Variants in ZFYVE9 observed in about 807,000 individuals in gnomAD.
The protein encoded by ZFYVE9 is zinc finger FYVE domain-containing protein 9.
A neutral mutation model predicts 126.7 loss-of-function variants in ZFYVE9; 43 were observed. The ratio of observed to expected loss-of-function variants is 0.34; its 90% CI spans 0.27 to 0.44. The LOEUF (loss-of-function observed/expected upper bound fraction) is 0.44, where lower values mean the gene tolerates loss of function less well. Among genes scored for constraint, ZFYVE9 ranks in the 20% least tolerant of loss-of-function variants. The probability of loss-of-function intolerance (pLI) is 1.00; values close to 1 mark genes in which losing one functional copy is unlikely to be tolerated. For missense variants in ZFYVE9, 1,476 were observed against 1,697.0 expected (o/e 0.87, Z 2.29); for synonymous variants, 521 against 597.4 (o/e 0.87, Z 1.87).
At position 52,192,785 on chromosome 1, in the gene ZFYVE9, T is replaced by C. The variant is rs376876592; in HGVS notation, c.-142-23584T>C. On this transcript the variant is annotated intron_variant, in intron 1 of 18. Transcript: ENST00000287727. ...AACAGGAGGTCATCGAATGGGAAAT[T>C]CAAAAGGCTAAAAAAGTAAAAATAT... Among the ~76,000 whole-genome samples the C allele has an allele frequency of 6.6e-5, 10 of 152,246 alleles. 1 individual carries two copies. The South Asian group carries it at 1.2e-3, about 19-fold the overall frequency.
At chr1:52,171,459 T>TA (rs1300812656) in intron 1 of ZFYVE9, among the ~76,000 whole-genome samples, 2 of 152,240 alleles carry the variant, frequency 1.3e-5, no homozygotes, top group Non-Finnish European at 2.9e-5. Context: ...GCAATAAACA[T>TA]ACGTGTGCAT....
At chr1:52,158,849 G>C (rs1644427968) in intron 1 of ZFYVE9, among the ~76,000 whole-genome samples, 1 of 150,884 alleles carries the variant, frequency 6.6e-6, no homozygotes, top group South Asian at 2.1e-4. Context: ...TTGGAGTGCA[G>C]TGGCACGATC....
At chr1:52,189,058 C>T (rs1644792285) in intron 1 of ZFYVE9, among the ~76,000 whole-genome samples, 1 of 151,902 alleles carries the variant, frequency 6.6e-6, no homozygotes, top group African/African-American at 2.4e-5. Context: ...CTGCCTCAGC[C>T]TCCCGAGTAG....
intron 12 of ZFYVE9, among the ~76,000 whole-genome samples, chr1:52,301,291 C>CTTTTTTTTT (rs527599525): frequency 1.4e-5 from 1 of 72,636 alleles, no homozygotes; most frequent in Non-Finnish European, 2.5e-5. Flanking sequence ...CTTTTTCCAT[C>CTTTTTTTTT]TTTTTTTTTT....
intron 9 of ZFYVE9, 71 bp from the exon 10 acceptor site, chr1:52,281,590 C>A: frequency 6.5e-7 from 1 of 1,538,534 alleles, no homozygotes; most frequent in Non-Finnish European, 8.9e-7. Context: ...ACACAGATTT[C>A]TGTGCATCTT....
At chr1:52,211,997 T>C (rs1303301803) in intron 1 of ZFYVE9, among the ~76,000 whole-genome samples, 3 of 152,224 alleles carry the variant, frequency 2.0e-5, no homozygotes, top group African/African-American at 7.2e-5. Flanking sequence ...TTCTTAATTT[T>C]AAATGATGGT....
chr1:52,320,295 C>T (rs982846051), intron 13 of ZFYVE9, among the ~76,000 whole-genome samples: 1 of 152,066 alleles, frequency 6.6e-6, no homozygotes, highest in Non-Finnish European at 1.5e-5. Context: ...GTCTCGAACT[C>T]CTGACCTCAG....
intron 4 of ZFYVE9, among the ~76,000 whole-genome samples, chr1:52,259,625 TAA>T (rs541679465): frequency 1.1e-4 from 9 of 84,176 alleles, no homozygotes; most frequent in Admixed American, 2.7e-4. Context: ...CTGTCTCTAC[TAA>T]AAAAAAAAAA....
At position 52,293,394 on chromosome 1, in the gene ZFYVE9, A is replaced by AG. The variant is rs1645942867; in HGVS notation, c.3026-59_3026-58insG. 15 of 1,322,746 alleles carry AG rather than the reference A, an allele frequency of 1.1e-5. No homozygotes were observed. The African/African-American group carries it at 2.0e-4, about 17-fold the overall frequency. 81.9% of individuals were successfully genotyped at this position (1,322,746 alleles called of 1,614,324 possible). ...TCCGTCTCAAAAAAAAAAAAAAAAA[A>AG]AAAAGAAATATGATTAATTTATTGA... On this transcript the variant is annotated intron_variant, in intron 10 of 18. Transcript: ENST00000287727.
At chr1:52,325,129 A>G (rs1170238467) in intron 13 of ZFYVE9, among the ~76,000 whole-genome samples, 2 of 152,180 alleles carry the variant, frequency 1.3e-5, no homozygotes, top group East Asian at 1.9e-4. Flanking sequence ...AATACAAAAA[A>G]TTAGCTGGAT....
intron 13 of ZFYVE9, among the ~76,000 whole-genome samples, chr1:52,325,498 C>T (rs1054012842): frequency 6.6e-5 from 10 of 151,962 alleles, no homozygotes; most frequent in South Asian, 2.1e-4. Flanking sequence ...CCAGCCTGAA[C>T]GAGAAGGCGA....
At chr1:52,292,410 CT>C (rs1332447409) in intron 10 of ZFYVE9, among the ~76,000 whole-genome samples, 1 of 149,792 alleles carries the variant, frequency 6.7e-6, no homozygotes, top group Non-Finnish European at 1.5e-5. Flanking sequence ...CATGAGTTGA[CT>C]TTGTTCACCC....
chr1:52,332,625 C>T, intron 13 of ZFYVE9, 143 bp from the exon 14 acceptor site: 3 of 970,334 alleles, frequency 3.1e-6, no homozygotes, highest in Middle Eastern at 3.4e-4. Flanking sequence ...CATTTTTTTA[C>T]TTTGTTTCAT....
intron 13 of ZFYVE9, among the ~76,000 whole-genome samples, chr1:52,314,524 A>G (rs960968080): frequency 6.6e-6 from 1 of 152,212 alleles, no homozygotes; most frequent in Non-Finnish European, 1.5e-5. Flanking sequence ...CTCTACTAAA[A>G]GTACAAAAGT....
intron 1 of ZFYVE9, among the ~76,000 whole-genome samples, chr1:52,176,011 C>A (rs985825601): frequency 6.6e-6 from 1 of 152,232 alleles, no homozygotes; most frequent in African/African-American, 2.4e-5. Context: ...AAGTCATTCT[C>A]CATCCAGGTT....
chr1:52,217,600 A>G (rs997503442), intron 2 of ZFYVE9, among the ~76,000 whole-genome samples: 6 of 152,222 alleles, frequency 3.9e-5, no homozygotes, highest in Admixed American at 2.6e-4. Context: ...GGTATGATAC[A>G]GCAACCGACA....
chr1:52,342,359 G>A (rs1385561511), intron 17 of ZFYVE9, among the ~76,000 whole-genome samples: 1 of 145,508 alleles, frequency 6.9e-6, no homozygotes, highest in Non-Finnish European at 1.5e-5. Context: ...TCCGCCTCCC[G>A]GGTACACACC....
intron 2 of ZFYVE9, among the ~76,000 whole-genome samples, chr1:52,219,798 TGTGTGG>T (rs1227117217): frequency 4.6e-4 from 66 of 142,806 alleles, no homozygotes; most frequent in Middle Eastern, 3.6e-3. Flanking sequence ...TGTGTGTGTG[TGTGTGG>T]CAGAGTCTTA....
chr1:52,290,820 A>G (rs1645912349), intron 10 of ZFYVE9, among the ~76,000 whole-genome samples: 1 of 152,214 alleles, frequency 6.6e-6, no homozygotes, highest in Non-Finnish European at 1.5e-5. Flanking sequence ...TAATTTTTTG[A>G]GAATACAGTG....
Sources: gnomAD v4.1 joint callset for allele counts (sites outside exome capture counted in the v4.1 genomes callset) on GRCh38, gnomAD v4.1.1 for gene constraint, MANE v1.5 for transcripts, NCBI Gene and HGNC (gene_info 2026-07-23, HGNC 2026-07-21) for gene names.